Variants in OPCML observed in about 807,000 individuals in gnomAD.
OPCML encodes opioid binding protein/cell adhesion molecule like.
OPCML carries 13 observed loss-of-function variants against 37.8 expected under a neutral mutation model. The observed-to-expected ratio is 0.34, with a 90% CI of 0.22 to 0.55. The LOEUF (loss-of-function observed/expected upper bound fraction) is 0.55, where lower values mean the gene tolerates loss of function less well. OPCML is among the 20% of genes least tolerant of loss of function. The probability of loss-of-function intolerance (pLI) is 0.91; values close to 1 mark genes in which losing one functional copy is unlikely to be tolerated. For missense variants in OPCML, 341 were observed against 435.6 expected, an observed-to-expected ratio of 0.78 and a Z score of 1.93; for synonymous variants, 176 against 168.8, an observed-to-expected ratio of 1.04 and a Z score of -0.33.
intron 2 of OPCML, among the ~76,000 whole-genome samples, chr11:132,940,220 G>A (rs1002864076): frequency 2.6e-5 from 4 of 152,102 alleles, no homozygotes; most frequent in African/African-American, 9.7e-5. Flanking sequence ...TTTTTCACTG[G>A]GAAAGTGAAA....
intron 1 of OPCML, among the ~76,000 whole-genome samples, chr11:133,412,220 G>A (rs948131603): frequency 1.3e-5 from 2 of 152,244 alleles, no homozygotes; most frequent in African/African-American, 4.8e-5. Context: ...ACAGTGACCT[G>A]AAAAGAACAA....
chr11:132,837,793 G>A (rs1402578221), intron 2 of OPCML, among the ~76,000 whole-genome samples: 3 of 152,118 alleles, frequency 2.0e-5, no homozygotes, highest in Non-Finnish European at 4.4e-5. Context: ...GGGGGAAGGC[G>A]GGCATCTGAG....
intron 3 of OPCML, among the ~76,000 whole-genome samples, chr11:132,653,318 C>T (rs565042014): frequency 1.3e-5 from 2 of 152,302 alleles, no homozygotes; most frequent in Admixed American, 6.5e-5. Context: ...TGGATCTTTT[C>T]AGGTAGGCCC....
chr11:132,862,519 C>T (rs1002191975), intron 2 of OPCML, among the ~76,000 whole-genome samples: 3 of 150,942 alleles, frequency 2.0e-5, no homozygotes, highest in African/African-American at 7.3e-5. Flanking sequence ...ACAAGAGGTG[C>T]ACATGGCATC....
intron 3 of OPCML, among the ~76,000 whole-genome samples, chr11:132,618,291 T>G (rs1939162426): frequency 6.6e-6 from 1 of 152,148 alleles, no homozygotes; most frequent in Non-Finnish European, 1.5e-5. Flanking sequence ...ACCAAATTCT[T>G]TTCAACATTC....
At chr11:133,421,154 T>G (rs1463984351) in intron 1 of OPCML, 2 of 985,368 alleles carry the variant, frequency 2.0e-6, no homozygotes, top group Non-Finnish European at 2.4e-6. Flanking sequence ...TGTTGAATAA[T>G]GAAATTTTAG....
intron 2 of OPCML, among the ~76,000 whole-genome samples, chr11:132,773,678 A>G (rs1331403957): frequency 4.6e-5 from 7 of 152,192 alleles, no homozygotes; most frequent in Non-Finnish European, 8.8e-5. Flanking sequence ...GGCACAATGA[A>G]CAATTCATAG....
At chr11:133,191,500 T>G (rs1193169726) in intron 1 of OPCML, among the ~76,000 whole-genome samples, 1 of 123,586 alleles carries the variant, frequency 8.1e-6, no homozygotes, top group Non-Finnish European at 1.7e-5. Flanking sequence ...TTTCTGTGTG[T>G]GTGGGTGTGT....
At chr11:132,560,079 G>T (rs1290163428) in intron 3 of OPCML, among the ~76,000 whole-genome samples, 1 of 152,156 alleles carries the variant, frequency 6.6e-6, no homozygotes, top group Non-Finnish European at 1.5e-5. Flanking sequence ...TTGATACTTT[G>T]TATGTGCCTA....
chr11:133,524,275 A>G lies in OPCML; in HGVS notation c.61+7989T>C, dbSNP rs190376814. Among the ~76,000 whole-genome samples the G allele has an allele frequency of 1.8e-3, 274 of 152,338 alleles. 3 individuals carry two copies. Among genetic ancestry groups the G allele is most frequent in the Admixed American group, 5.0e-3 (77 of 15,312 alleles). On this transcript the variant is annotated intron_variant, in intron 1 of 7. Transcript: ENST00000524381. ...CAGACTGCGATAAGTGAGTAGGTGCAAGAAGTGATACAGCACCCTTTTTTA... is the reference window on the plus strand; with the variant it reads ...CAGACTGCGATAAGTGAGTAGGTGCGAGAAGTGATACAGCACCCTTTTTTA...
intron 4 of OPCML, among the ~76,000 whole-genome samples, chr11:132,442,013 T>G (rs57380667): frequency 0.039 from 5,872 of 152,250 alleles, 379 homozygotes; most frequent in African/African-American, 0.13. Context: ...GAAGGACCAC[T>G]GGCTGGCCTG....
intron 3 of OPCML, among the ~76,000 whole-genome samples, chr11:132,647,386 G>A (rs558907106): frequency 6.6e-6 from 1 of 152,238 alleles, no homozygotes; most frequent in African/African-American, 2.4e-5. Flanking sequence ...TAATATAAGG[G>A]CTGGGGGTAA....
intron 1 of OPCML, among the ~76,000 whole-genome samples, chr11:133,311,573 G>A (rs1007804564): frequency 6.6e-6 from 1 of 152,038 alleles, no homozygotes; most frequent in Non-Finnish European, 1.5e-5. Flanking sequence ...TAAATAGGAA[G>A]ACAGGACGTA....
At chr11:132,743,889 A>T (rs1036723018) in intron 2 of OPCML, among the ~76,000 whole-genome samples, 2 of 152,214 alleles carry the variant, frequency 1.3e-5, no homozygotes, top group Non-Finnish European at 2.9e-5. Flanking sequence ...CCACAAACTC[A>T]GATCGCATTC....
At chr11:132,964,460 C>G (rs1297069500) in intron 1 of OPCML, among the ~76,000 whole-genome samples, 1 of 152,166 alleles carries the variant, frequency 6.6e-6, no homozygotes, top group Non-Finnish European at 1.5e-5. Flanking sequence ...ATGCCATAAC[C>G]TGTGTGAGCC....
intron 7 of OPCML, among the ~76,000 whole-genome samples, chr11:132,423,752 T>A (rs185165249): frequency 6.6e-6 from 1 of 152,342 alleles, no homozygotes; most frequent in Non-Finnish European, 1.5e-5. Flanking sequence ...TGTGGTCCCA[T>A]GGCCTCGGGG....
chr11:132,431,035 C>T (rs2095995135), intron 7 of OPCML, among the ~76,000 whole-genome samples: 2 of 152,214 alleles, frequency 1.3e-5, no homozygotes, highest in African/African-American at 4.8e-5. Flanking sequence ...GCCACCCCTG[C>T]TGTACTTAGG....
At chr11:132,540,875 CAA>C (rs553975031) in intron 3 of OPCML, among the ~76,000 whole-genome samples, 71 of 152,314 alleles carry the variant, frequency 4.7e-4, no homozygotes, top group African/African-American at 1.6e-3. Context: ...CTGAATGCAG[CAA>C]AAGAGTCTTT....
intron 1 of OPCML, among the ~76,000 whole-genome samples, chr11:133,256,109 C>T (rs915858808): frequency 9.2e-5 from 14 of 152,190 alleles, no homozygotes; most frequent in Non-Finnish European, 1.6e-4. Flanking sequence ...TATGGGATGG[C>T]TTCTAAAGTT....
Sources: allele counts gnomAD v4.1 joint callset (sites outside exome capture counted in the v4.1 genomes callset), GRCh38; gene constraint gnomAD v4.1.1; transcripts MANE v1.5; gene names NCBI Gene and HGNC (gene_info 2026-07-23, HGNC 2026-07-21).